RBPJ: variants seen among roughly 807,000 people sequenced by gnomAD.
RBPJ encodes recombining binding protein suppressor of hairless.
Under a neutral mutation model 67.8 loss-of-function variants are expected in RBPJ, and 9 were observed. That is an observed-to-expected ratio of 0.13 (90% CI 0.08 to 0.23). The LOEUF (loss-of-function observed/expected upper bound fraction) is 0.23, where lower values mean the gene tolerates loss of function less well. Among genes scored for constraint, RBPJ ranks in the 10% least tolerant of loss-of-function variants. RBPJ has a pLI of 1.00. For missense variants in RBPJ, 305 were observed against 595.6 expected (o/e 0.51, Z 5.08); for synonymous variants, 198 against 203.3 (o/e 0.97, Z 0.22).
chr4:26,428,897 CA>C (rs766242589), intron 8 of RBPJ, 37 bp downstream of exon 8: 2 of 1,537,544 alleles, frequency 1.3e-6, no homozygotes, highest in East Asian at 4.5e-5. Flanking sequence ...CTAAAATGTA[CA>C]AACTGTGAGG....
chr4:26,337,049 T>C lies in RBPJ; in HGVS notation c.20+16001T>C, dbSNP rs1288334138. Among the ~76,000 whole-genome samples, 7 of 151,932 alleles carry C rather than the reference T, an allele frequency of 4.6e-5. 1 individual carries two copies. The South Asian group carries it at 1.2e-3, about 27-fold the overall frequency. ...CGATCTCTGCTCACTGCATCCTCCG[T>C]CTCCCGGGTTCAAGCGATTCTCCCG... On this transcript the variant is annotated intron_variant, in intron 1 of 10. Transcript: ENST00000355476.
intron 1 of RBPJ, among the ~76,000 whole-genome samples, chr4:26,299,301 C>A (rs1721989618): frequency 6.6e-6 from 1 of 152,104 alleles, no homozygotes; most frequent in Admixed American, 6.6e-5. Context: ...GAAGAACACC[C>A]CTATCTAGAA....
the RBPJ span, among the ~76,000 whole-genome samples, chr4:26,106,339 C>G: frequency 6.3e-3 from 955 of 152,346 alleles, 5 homozygotes; most frequent in African/African-American, 0.021. Flanking sequence ...GAATGCCTCA[C>G]TTCTGCTTCT....
chr4:26,162,994 T>C (rs185185158), upstream of RBPJ, among the ~76,000 whole-genome samples: 1 of 152,248 alleles, frequency 6.6e-6, no homozygotes, highest in Admixed American at 6.5e-5. Flanking sequence ...AGTATGACAT[T>C]ATGGATTATT....
At position 26,186,065 on chromosome 4, in the gene RBPJ, AAAAG is replaced by A. The variant is rs1227440383; in HGVS notation, c.-167+22463_-167+22466del. 3.9e-5 allele frequency among the ~76,000 whole-genome samples: 6 copies of A among 152,200 alleles called. No individual in the cohort carries two copies. In the South Asian group the frequency reaches 8.3e-4, roughly 21 times the overall value. ...CTGTCTCAAGAAAAAAACAAAAAGA[AAAAG>A]AAAGAAAGAAACAGGAATGGAACTA... On this transcript the variant is annotated intron_variant, in intron 1 of 4. Transcript: ENST00000512351.
intron 1 of RBPJ, among the ~76,000 whole-genome samples, chr4:26,172,047 G>A (rs141026272): frequency 6.5e-4 from 99 of 152,358 alleles, no homozygotes; most frequent in African/African-American, 2.3e-3. Flanking sequence ...GTGTAAGGCC[G>A]GAGGGCAGCG....
At chr4:26,166,362 C>T (rs1337185621) in intron 1 of RBPJ, among the ~76,000 whole-genome samples, 4 of 130,444 alleles carry the variant, frequency 3.1e-5, no homozygotes, top group Non-Finnish European at 5.0e-5. Context: ...TATTTCTCCA[C>T]ATCCTCTCCA....
At chr4:26,377,019 G>A (rs567246321) in intron 1 of RBPJ, among the ~76,000 whole-genome samples, 1 of 152,122 alleles carries the variant, frequency 6.6e-6, no homozygotes, top group East Asian at 1.9e-4. Context: ...ATAAAATCCT[G>A]TATCGATATT....
At chr4:26,287,872 G>A (rs1409878100) in intron 1 of RBPJ, among the ~76,000 whole-genome samples, 1 of 151,984 alleles carries the variant, frequency 6.6e-6, no homozygotes, top group African/African-American at 2.4e-5. Flanking sequence ...GAAGGGTCTA[G>A]GCCTAATTTT....
At chr4:26,338,995 A>AT (rs934797553) in intron 1 of RBPJ, among the ~76,000 whole-genome samples, 5 of 149,824 alleles carry the variant, frequency 3.3e-5, no homozygotes, top group Non-Finnish European at 4.4e-5. Context: ...AATTTTTTGT[A>AT]TTTTTTTTAG....
chr4:26,420,744 T>G lies in RBPJ; in HGVS notation c.496+19T>G. 6.4e-7 allele frequency: 1 copy of G among 1,565,112 alleles called. No homozygotes were observed. Among genetic ancestry groups the G allele is most frequent in the Non-Finnish European group, 8.7e-7 (1 of 1,155,462 alleles). ...GCTGACTGTATGTATGCTTTTCTTA[T>G]TTATCCCCAACTGCCACCATGAATT... On this transcript the variant is annotated intron_variant, in intron 5 of 10. Transcript: ENST00000355476.
the RBPJ span, among the ~76,000 whole-genome samples, chr4:26,122,865 T>C: frequency 3.9e-5 from 6 of 152,218 alleles, no homozygotes; most frequent in Non-Finnish European, 7.4e-5. Flanking sequence ...ATGGGTGTGA[T>C]TGTGTTCCAA....
In RBPJ at chr4:26,250,994, C is replaced by T. The variant is rs561338146; in HGVS notation, c.-167+87380C>T. Among the ~76,000 whole-genome samples the T allele has an allele frequency of 7.2e-5, 11 of 152,282 alleles. No individual in the cohort carries two copies. In the East Asian group the frequency reaches 2.1e-3, roughly 29 times the overall value. On this transcript the variant is annotated intron_variant, in intron 1 of 4. Transcript: ENST00000512351. ...CATTTCTTAAAGTGGAGTTTGAGGACACCTAGGGTAGACGTAGTGTTGTGG... is the reference window on the plus strand; with the variant it reads ...CATTTCTTAAAGTGGAGTTTGAGGATACCTAGGGTAGACGTAGTGTTGTGG...
intron 1 of RBPJ, among the ~76,000 whole-genome samples, chr4:26,181,251 G>C (rs1716979845): frequency 6.6e-6 from 1 of 152,144 alleles, no homozygotes; most frequent in South Asian, 2.1e-4. Context: ...AAGTCTGCGT[G>C]ACCCATCAAG....
At chr4:26,415,786 C>G in intron 4 of RBPJ, 146 bp downstream of exon 4, 1 of 733,638 alleles carries the variant, frequency 1.4e-6, no homozygotes, top group Non-Finnish European at 2.2e-6. Flanking sequence ...AAAAAACATG[C>G]CTCTCATAGC....
upstream of RBPJ, among the ~76,000 whole-genome samples, chr4:26,319,395 C>T (rs1722798604): frequency 6.6e-6 from 1 of 152,218 alleles, no homozygotes; most frequent in Admixed American, 6.5e-5. Context: ...CGGGTCTCCT[C>T]CCCCGCCGCC....
intron 1 of RBPJ, among the ~76,000 whole-genome samples, chr4:26,241,068 G>A (rs1484206319): frequency 2.0e-5 from 3 of 152,084 alleles, no homozygotes; most frequent in African/African-American, 7.2e-5. Flanking sequence ...ATGGTGGTGT[G>A]CACCTGTGGT....
intron 2 of RBPJ, among the ~76,000 whole-genome samples, chr4:26,401,752 G>A (rs180722352): frequency 7.2e-5 from 11 of 152,174 alleles, no homozygotes; most frequent in Non-Finnish European, 1.3e-4. Context: ...TTTAGTATCC[G>A]GAAATACACT....
chr4:26,406,087 C>T (rs1733373626), intron 2 of RBPJ, 88 bp from the exon 3 acceptor site: 9 of 758,080 alleles, frequency 1.2e-5, no homozygotes, highest in Non-Finnish European at 2.0e-5. Flanking sequence ...TATTTATAAG[C>T]ATTCCTCTCA....
Sources: gnomAD v4.1 joint callset for allele counts (sites outside exome capture counted in the v4.1 genomes callset) on GRCh38, gnomAD v4.1.1 for gene constraint, MANE v1.5 for transcripts, NCBI Gene and HGNC (gene_info 2026-07-23, HGNC 2026-07-21) for gene names.